The following VSTM2A variants were observed in gnomAD, a reference collection of about 807,000 sequenced individuals.
VSTM2A encodes V-set and transmembrane domain containing 2A.
VSTM2A carries 13 observed loss-of-function variants against 27.3 expected under a neutral mutation model. That is an observed-to-expected ratio of 0.48 (90% CI 0.31 to 0.76). The LOEUF (loss-of-function observed/expected upper bound fraction) is 0.76. VSTM2A is among the 30% of genes least tolerant of loss of function. The probability of loss-of-function intolerance (pLI) is 0.05; values close to 1 mark genes in which losing one functional copy is unlikely to be tolerated. For missense variants in VSTM2A, 280 were observed against 310.0 expected (o/e 0.90, Z 0.73); for synonymous variants, 142 against 125.7 (o/e 1.13, Z -0.87).
chr7:54,561,919 TTTTG>T (rs1418379270), intron 4 of VSTM2A, among the ~76,000 whole-genome samples: 1 of 144,606 alleles, frequency 6.9e-6, no homozygotes, highest in Non-Finnish European at 1.5e-5. Context: ...TTTTTTAGTT[TTTTG>T]TTTGTTTTTT....
At chr7:54,547,087 A>AGGACAGCC (rs1324365419) in intron 3 of VSTM2A, 90 bp downstream of exon 3, 36 of 1,442,092 alleles carry the variant, frequency 2.5e-5, no homozygotes, top group Non-Finnish European at 3.2e-5. Context: ...CCAGCGCTGC[A>AGGACAGCC]GGACAGCCGG....
At chr7:54,550,764 A>T (rs1295660587) in intron 4 of VSTM2A, 1 of 153,628 alleles carries the variant, frequency 6.5e-6, no homozygotes, top group Non-Finnish European at 1.5e-5. Context: ...CCAATTTAGA[A>T]GCTTAGTCAC....
intron 4 of VSTM2A, chr7:54,552,493 C>T (rs1343256819): frequency 3.9e-5 from 6 of 152,062 alleles, no homozygotes; most frequent in Admixed American, 1.3e-4. Context: ...TTTTGCCTCA[C>T]GATTTTCAGA....
At chr7:54,554,041 C>A in intron 4 of VSTM2A, 1 of 1,553,022 alleles carries the variant, frequency 6.4e-7, no homozygotes, top group Non-Finnish European at 8.7e-7. Context: ...GGATCAACCC[C>A]TGGTGTGCAG....
intron 3 of VSTM2A, 191 bp downstream of exon 3, chr7:54,547,188 T>A: frequency 1.8e-6 from 1 of 549,274 alleles, no homozygotes; most frequent in Non-Finnish European, 3.0e-6. Context: ...TTTAGTCACG[T>A]AAATGTCTAA....
intron 2 of VSTM2A, chr7:54,546,108 G>C (rs1025932304): frequency 6.8e-6 from 1 of 146,776 alleles, no homozygotes; most frequent in Non-Finnish European, 1.5e-5. Context: ...GGGAGAGGGA[G>C]GGAAAGGAAG....
intron 1 of VSTM2A, among the ~76,000 whole-genome samples, chr7:54,543,635 C>T (rs1229893779): frequency 6.6e-6 from 1 of 152,102 alleles, no homozygotes; most frequent in African/African-American, 2.4e-5. Context: ...AGTGCATCCA[C>T]CCCAAATCAT....
At chr7:54,563,475 G>A (rs552186158) in intron 4 of VSTM2A, among the ~76,000 whole-genome samples, 2 of 152,296 alleles carry the variant, frequency 1.3e-5, no homozygotes, top group South Asian at 2.1e-4. Context: ...TTGAATGGGT[G>A]TGCTACCATG....
intron 1 of VSTM2A, 68 bp from the exon 2 acceptor site, chr7:54,544,554 C>T: frequency 6.3e-7 from 1 of 1,591,056 alleles, no homozygotes; most frequent in East Asian, 2.2e-5. Flanking sequence ...ATGTAGCGAG[C>T]TCTCAAGGAA....
intron 3 of VSTM2A, among the ~76,000 whole-genome samples, chr7:54,547,372 G>C (rs1483520709): frequency 6.6e-6 from 1 of 152,096 alleles, no homozygotes; most frequent in Non-Finnish European, 1.5e-5. Flanking sequence ...TATTTTTAGG[G>C]AGAAAAATAT....
intron 4 of VSTM2A, chr7:54,552,082 A>G (rs1788218497): frequency 1.3e-5 from 2 of 152,220 alleles, no homozygotes; most frequent in African/African-American, 4.8e-5. Flanking sequence ...CAATTATCAA[A>G]TAAAAATTAC....
intron 4 of VSTM2A, among the ~76,000 whole-genome samples, chr7:54,555,120 A>G (rs1584056033): frequency 6.6e-6 from 1 of 152,172 alleles, no homozygotes; most frequent in Non-Finnish European, 1.5e-5. Flanking sequence ...GCCACACTGA[A>G]TTGTCCTAGT....
chr7:54,554,120 A>G (rs1788278550), intron 4 of VSTM2A: 3 of 1,546,716 alleles, frequency 1.9e-6, no homozygotes, highest in African/African-American at 1.4e-5. Flanking sequence ...CATGCAAGTC[A>G]CTGGTGTCTC....
At chr7:54,550,191 C>T (rs1788143078) in intron 4 of VSTM2A, 21 bp downstream of exon 4, 4 of 1,572,432 alleles carry the variant, frequency 2.5e-6, no homozygotes, top group Non-Finnish European at 3.5e-6. Context: ...CCATTTCGAG[C>T]CTTTTATTTT....
intron 2 of VSTM2A, chr7:54,546,742 A>G: frequency 1.8e-6 from 1 of 542,104 alleles, no homozygotes; most frequent in South Asian, 2.4e-5. Flanking sequence ...GGCGTGGGGT[A>G]TGCCAGGGAC....
At chr7:54,545,264 CTTCTAACAGATATGTG>C (rs1787911588) in intron 2 of VSTM2A, among the ~76,000 whole-genome samples, 1 of 151,540 alleles carries the variant, frequency 6.6e-6, no homozygotes, top group Non-Finnish European at 1.5e-5. Flanking sequence ...CTCACCTCCA[CTTCTAACAGATATGTG>C]GGGTGTCGGG....
At position 54,569,274 on chromosome 7, in the gene VSTM2A, T is replaced by C; in HGVS notation, c.*55T>C. 6.5e-7 allele frequency: 1 copy of C among 1,544,442 alleles called. No individual in the cohort carries two copies. ...AAGCATAAATGAAGAGGCTATCACATGCTTTGTTGATCATATTTTCTTTGG... is the reference window on the plus strand; with the variant it reads ...AAGCATAAATGAAGAGGCTATCACACGCTTTGTTGATCATATTTTCTTTGG... On this transcript the variant is annotated 3_prime_UTR_variant, in exon 5 of 5. Transcript: ENST00000402613.
At chr7:54,546,433 C>T (rs1384536111) in intron 2 of VSTM2A, among the ~76,000 whole-genome samples, 1 of 151,810 alleles carries the variant, frequency 6.6e-6, no homozygotes, top group Non-Finnish European at 1.5e-5. Context: ...GCCAGGAGCG[C>T]GGGGCGGGAC....
Position 54,559,625 on chromosome 7 carries a change from C to T in VSTM2A, c.634+9455C>T, listed in dbSNP as rs1431202432. The T allele has an allele frequency of 2.0e-5, 3 of 152,152 alleles. No homozygotes were observed. The East Asian group carries it at 5.8e-4, about 29-fold the overall frequency. 9.4% of individuals were successfully genotyped at this position (152,152 alleles called of 1,614,324 possible). ...CCTTTAGATTGTGCAGCCCATATGT[C>T]CCTGAAATCATACTTCTGAGAAGAA... On this transcript the variant is annotated intron_variant, in intron 4 of 4. Transcript: ENST00000402613.
Sources: allele counts gnomAD v4.1 joint callset (sites outside exome capture counted in the v4.1 genomes callset), GRCh38; gene constraint gnomAD v4.1.1; transcripts MANE v1.5; gene names NCBI Gene and HGNC (gene_info 2026-07-23, HGNC 2026-07-21).